Variants in EHF observed in about 807,000 individuals in gnomAD.
EHF encodes the protein ESE3 transcription factor.
A neutral mutation model predicts 45.1 loss-of-function variants in EHF; 14 were observed. The ratio of observed to expected loss-of-function variants is 0.31; its 90% confidence interval spans 0.21 to 0.49. EHF has a LOEUF of 0.49. Among genes scored for constraint, EHF ranks in the 20% least tolerant of loss-of-function variants. The pLI, the probability that EHF is intolerant of heterozygous loss-of-function variation, is 0.99. For synonymous variants in EHF, 136 were observed against 131.8 expected (o/e 1.03, Z -0.22); for missense variants, 282 against 371.4 (o/e 0.76, Z 1.98).
At chr11:34,636,045 A>G (rs1590443527) in intron 1 of EHF, among the ~76,000 whole-genome samples, 1 of 152,222 alleles carries the variant, frequency 6.6e-6, no homozygotes, top group African/African-American at 2.4e-5. Context: ...GAACTGGAGA[A>G]GACTGTACAG....
intron 6 of EHF, among the ~76,000 whole-genome samples, chr11:34,654,970 T>G (rs1199885926): frequency 2.0e-5 from 3 of 152,210 alleles, no homozygotes; most frequent in African/African-American, 4.8e-5. Context: ...ACTCTTTGTC[T>G]GCAGTACAAC....
intron 1 of EHF, among the ~76,000 whole-genome samples, chr11:34,631,119 C>A (rs1423129670): frequency 2.0e-5 from 3 of 152,182 alleles, no homozygotes; most frequent in African/African-American, 7.2e-5. Flanking sequence ...GCAACCTCCA[C>A]CTCCTGGGTT....
In EHF at chr11:34,662,785, A is replaced by G. The variant is rs1371412304; in HGVS notation, c.*3854A>G. 6.6e-6 allele frequency among the ~76,000 whole-genome samples: 1 copy of G among 152,152 alleles called. No individual in the cohort carries two copies. Among genetic ancestry groups the G allele is most frequent in the Non-Finnish European group, 1.5e-5 (1 of 68,006 alleles). ...TGCTATGTGCACGGCATGGGCCCATATGTGTGAGGAGCTTGTCTAATTATG... is the reference window on the plus strand; with the variant it reads ...TGCTATGTGCACGGCATGGGCCCATGTGTGTGAGGAGCTTGTCTAATTATG... On this transcript the variant is annotated 3_prime_UTR_variant, in exon 9 of 9. Coordinates refer to ENST00000257831, the MANE Select transcript of EHF (RefSeq NM_012153.6).
At chr11:34,658,313 G>A (rs983059610) in intron 7 of EHF, among the ~76,000 whole-genome samples, 13 of 152,100 alleles carry the variant, frequency 8.5e-5, no homozygotes, top group Admixed American at 7.2e-4. Context: ...AGTTCTCTGT[G>A]CCTCGGTTTC....
chr11:34,626,206 G>T (rs1308748539), intron 1 of EHF, among the ~76,000 whole-genome samples: 1 of 152,116 alleles, frequency 6.6e-6, no homozygotes, highest in Non-Finnish European at 1.5e-5. Context: ...ATAATCTTGG[G>T]GGCTGGGCTC....
At chr11:34,644,816 T>C (rs543642901) in intron 2 of EHF, among the ~76,000 whole-genome samples, 1 of 152,324 alleles carries the variant, frequency 6.6e-6, no homozygotes, top group East Asian at 1.9e-4. Flanking sequence ...GGAAGCTTGC[T>C]AGGAATGCAG....
chr11:34,637,311 C>T (rs893262199), intron 1 of EHF, among the ~76,000 whole-genome samples: 3 of 152,118 alleles, frequency 2.0e-5, no homozygotes, highest in African/African-American at 7.2e-5. Context: ...AAGCCCTTGG[C>T]GAAGCAAGCC....
At chr11:34,641,673 C>CG (rs1246478779) in intron 1 of EHF, among the ~76,000 whole-genome samples, 20 of 152,274 alleles carry the variant, frequency 1.3e-4, no homozygotes, top group Middle Eastern at 3.4e-3. Flanking sequence ...TGGAAACAGG[C>CG]TGCTCTTCGT....
intron 2 of EHF, among the ~76,000 whole-genome samples, chr11:34,644,123 G>C (rs1376527023): frequency 6.6e-6 from 1 of 152,170 alleles, no homozygotes; most frequent in East Asian, 1.9e-4. Context: ...TCCCAAGTTT[G>C]AACAAGATAC....
intron 1 of EHF, chr11:34,632,489 G>C: frequency 3.3e-6 from 5 of 1,530,946 alleles, no homozygotes; most frequent in South Asian, 2.4e-5. Context: ...TCTGCCCTGA[G>C]TGGAGATTGG....
intron 1 of EHF, among the ~76,000 whole-genome samples, chr11:34,641,524 C>T (rs532821791): frequency 2.0e-5 from 3 of 152,150 alleles, no homozygotes; most frequent in South Asian, 4.2e-4. Flanking sequence ...TGGTAATACC[C>T]GAGGATGCAA....
chr11:34,637,502 G>A (rs1853560103), intron 1 of EHF, among the ~76,000 whole-genome samples: 1 of 152,198 alleles, frequency 6.6e-6, no homozygotes, highest in Admixed American at 6.5e-5. Flanking sequence ...ATTTAGCACA[G>A]AACAGTGCTT....
At chr11:34,651,841 A>C (rs772219893) in intron 6 of EHF, 36 bp downstream of exon 6, 1 of 1,585,386 alleles carries the variant, frequency 6.3e-7, no homozygotes, top group African/African-American at 1.3e-5. Context: ...GGGTATGCCT[A>C]ATGCTTAGGG....
At chr11:34,629,105 C>T (rs545111526) in intron 1 of EHF, among the ~76,000 whole-genome samples, 5 of 152,290 alleles carry the variant, frequency 3.3e-5, no homozygotes, top group South Asian at 2.1e-4. Flanking sequence ...GGCTCAGCTA[C>T]GCAACCTCTG....
chr11:34,621,993 G>A (rs546380146), intron 1 of EHF: 1 of 154,274 alleles, frequency 6.5e-6, no homozygotes, highest in African/African-American at 2.4e-5. Flanking sequence ...GTAACAAGGG[G>A]ACAAACTAAC....
At chr11:34,630,106 T>G (rs1852741070) in intron 1 of EHF, among the ~76,000 whole-genome samples, 1 of 152,172 alleles carries the variant, frequency 6.6e-6, no homozygotes, top group South Asian at 2.1e-4. Flanking sequence ...TTATATTTGG[T>G]GGAAAAAGTT....
At chr11:34,632,420 T>A in intron 1 of EHF, 1 of 1,444,168 alleles carries the variant, frequency 6.9e-7, no homozygotes, top group Non-Finnish European at 9.1e-7. Flanking sequence ...CTCCTACACA[T>A]AAACACACCA....
chr11:34,646,823 A>T, intron 3 of EHF, 139 bp downstream of exon 3: 2 of 1,130,582 alleles, frequency 1.8e-6, no homozygotes, highest in Non-Finnish European at 2.5e-6. Context: ...CAAGACAGAG[A>T]AATGGAAGGA....
At chr11:34,638,153 CG>C (rs1426131738) in intron 1 of EHF, among the ~76,000 whole-genome samples, 21 of 152,184 alleles carry the variant, frequency 1.4e-4, no homozygotes, top group Non-Finnish European at 2.5e-4. Flanking sequence ...CCACCCGCCT[CG>C]GCCTCCCAAA....
Sources: gnomAD v4.1 joint callset for allele counts (sites outside exome capture counted in the v4.1 genomes callset) on GRCh38, gnomAD v4.1.1 for gene constraint, MANE v1.5 for transcripts, NCBI Gene and HGNC (gene_info 2026-07-23, HGNC 2026-07-21) for gene names.